Variants in GRID2 observed in about 807,000 individuals in gnomAD.
The protein encoded by GRID2 is glutamate receptor ionotropic, delta-2.
A neutral mutation model predicts 114.8 loss-of-function variants in GRID2; 33 were observed. The ratio of observed to expected loss-of-function variants is 0.29; its 90% CI spans 0.22 to 0.38. The LOEUF (loss-of-function observed/expected upper bound fraction) is 0.38, where lower values mean the gene tolerates loss of function less well. Among genes scored for constraint, GRID2 ranks in the 10% least tolerant of loss-of-function variants. GRID2 has a pLI of 1.00. For synonymous variants in GRID2, 505 were observed against 449.9 expected (o/e 1.12, Z -1.55); for missense variants, 1,184 against 1,257.7 (o/e 0.94, Z 0.89).
In GRID2 at chr4:93,651,674, G is replaced by A. The variant is rs552004481; in HGVS notation, c.2360+25239G>A. Among the ~76,000 whole-genome samples the A allele has an allele frequency of 7.9e-5, 12 of 152,276 alleles. No homozygotes were observed. The East Asian group carries it at 2.3e-3, about 29-fold the overall frequency. On this transcript the variant is annotated intron_variant, in intron 14 of 15. Transcript: ENST00000282020. ...AACCTAAAAGGAACATATATACTGA[G>A]ACTGGTAGATTCAGCCATGCATTAT...
chr4:93,546,922 A>T (rs1733278243), intron 13 of GRID2, among the ~76,000 whole-genome samples: 1 of 152,128 alleles, frequency 6.6e-6, no homozygotes, highest in Non-Finnish European at 1.5e-5. Flanking sequence ...GGTATATCAT[A>T]GAAAAAGCTG....
rs114576705 is a variant in GRID2 at position 93,606,984 on chromosome 4, T to A, written c.2194-19285T>A. Reference sequence around the variant, plus strand: ...ATGTATAAATTAGGCCTTAATAAACTTGACTTTCAAAAAATCTTATTAAAA... The same window carrying A: ...ATGTATAAATTAGGCCTTAATAAACATGACTTTCAAAAAATCTTATTAAAA... On this transcript the variant is annotated intron_variant, in intron 13 of 15. Transcript: ENST00000282020. 5.7e-3 allele frequency among the ~76,000 whole-genome samples: 865 copies of A among 152,268 alleles called. 12 individuals are homozygous for A. The highest frequency in any genetic ancestry group is 0.019 in the African/African-American group (795 of 41,564).
At position 93,180,535 on chromosome 4, in the gene GRID2, A is replaced by G. The variant is rs552301935; in HGVS notation, c.736-26869A>G. On this transcript the variant is annotated intron_variant, in intron 4 of 15. Coordinates refer to ENST00000282020, the MANE Select transcript of GRID2 (RefSeq NM_001510.4). ...CATACCAATCACCTCTTCCTTTCAC[A>G]AAAGGTTTTCTGTAGCATGCCATGC... is the stretch of plus-strand genomic sequence containing the variant. Among the ~76,000 whole-genome samples, 30 of 152,256 alleles carry G rather than the reference A, an allele frequency of 2.0e-4. No individual in the cohort carries two copies. The South Asian group carries it at 2.3e-3, about 12-fold the overall frequency.
chr4:93,413,094 TC>T (rs1257546595), intron 9 of GRID2, among the ~76,000 whole-genome samples: 1 of 152,150 alleles, frequency 6.6e-6, no homozygotes, highest in African/African-American at 2.4e-5. Flanking sequence ...TGATTTATAA[TC>T]CTATGGGTAA....
At chr4:93,691,521 T>G (rs1726562661) in intron 14 of GRID2, among the ~76,000 whole-genome samples, 1 of 152,136 alleles carries the variant, frequency 6.6e-6, no homozygotes, top group African/African-American at 2.4e-5. Context: ...TGCTGTTTAT[T>G]AGCTTTGTGA....
At chr4:93,407,751 C>CTCG (rs1766634585) in intron 9 of GRID2, among the ~76,000 whole-genome samples, 1 of 89,780 alleles carries the variant, frequency 1.1e-5, no homozygotes, top group Non-Finnish European at 2.4e-5. Context: ...CCTCCTCCTC[C>CTCG]TCCTCGTCCT....
intron 2 of GRID2, among the ~76,000 whole-genome samples, chr4:93,055,121 A>T (rs1458902875): frequency 6.6e-6 from 1 of 151,870 alleles, no homozygotes; most frequent in Non-Finnish European, 1.5e-5. Flanking sequence ...TTAATCCTTT[A>T]TTTACATGTA....
chr4:92,875,265 C>T (rs1043952512), intron 2 of GRID2, among the ~76,000 whole-genome samples: 1 of 150,418 alleles, frequency 6.6e-6, no homozygotes, highest in Non-Finnish European at 1.5e-5. Context: ...CGGGTACACG[C>T]GATTCTCCTT....
intron 11 of GRID2, among the ~76,000 whole-genome samples, chr4:93,465,836 A>C (rs369408854): frequency 2.0e-5 from 3 of 152,244 alleles, no homozygotes; most frequent in East Asian, 1.9e-4. Flanking sequence ...TAATAAACTC[A>C]CAATAACTTT....
intron 6 of GRID2, among the ~76,000 whole-genome samples, chr4:93,218,012 G>A (rs1744436324): frequency 6.6e-6 from 1 of 151,496 alleles, no homozygotes; most frequent in Admixed American, 6.6e-5. Context: ...AGATAAATAA[G>A]GTGCTTTTGC....
chr4:92,544,312 A>G (rs1488187875), intron 1 of GRID2, among the ~76,000 whole-genome samples: 1 of 152,140 alleles, frequency 6.6e-6, no homozygotes, highest in Non-Finnish European at 1.5e-5. Context: ...ATCATTTTAT[A>G]AAAATCTCTT....
chr4:93,400,359 C>T (rs1470222862), intron 9 of GRID2, among the ~76,000 whole-genome samples: 6 of 152,088 alleles, frequency 3.9e-5, no homozygotes, highest in African/African-American at 1.4e-4. Flanking sequence ...GTCTCTACTA[C>T]TTGGTGTCTC....
intron 1 of GRID2, among the ~76,000 whole-genome samples, chr4:92,446,745 G>C (rs991007339): frequency 1.3e-5 from 2 of 152,158 alleles, no homozygotes; most frequent in African/African-American, 4.8e-5. Flanking sequence ...TAAGTCTACA[G>C]CCTGTTCTAT....
chr4:93,082,237 CTT>C (rs1729933957), intron 2 of GRID2, among the ~76,000 whole-genome samples: 2 of 152,190 alleles, frequency 1.3e-5, no homozygotes, highest in Admixed American at 6.5e-5. Context: ...TTTCAACAAA[CTT>C]GACAATAAAA....
rs548127730 is a variant in GRID2 at position 92,650,507 on chromosome 4, C to T, written c.244+60221C>T. On this transcript the variant is annotated intron_variant, in intron 2 of 15. Transcript: ENST00000282020. ...CGTATCTACATTGAGAAATATTAGT[C>T]CAATTTCCCTTTGGTAATAAGGATT... is the stretch of plus-strand genomic sequence containing the variant. 1.1e-3 allele frequency among the ~76,000 whole-genome samples: 168 copies of T among 152,142 alleles called. 2 individuals are homozygous for T. The highest frequency in any genetic ancestry group is 2.0e-3 in the Non-Finnish European group (134 of 67,968).
chr4:93,380,850 T>C (rs1439809420), intron 8 of GRID2, among the ~76,000 whole-genome samples: 1 of 152,052 alleles, frequency 6.6e-6, no homozygotes, highest in African/African-American at 2.4e-5. Context: ...GCGGATCTGA[T>C]ATTCAGGCAG....
chr4:92,674,467 A>G (rs962352949), intron 2 of GRID2, among the ~76,000 whole-genome samples: 3 of 152,080 alleles, frequency 2.0e-5, no homozygotes, highest in Non-Finnish European at 4.4e-5. Context: ...TTCAACTTAT[A>G]TGGTTTTTAT....
chr4:93,102,794 A>G (rs1233812280), intron 3 of GRID2, among the ~76,000 whole-genome samples: 2 of 150,834 alleles, frequency 1.3e-5, no homozygotes, highest in Admixed American at 6.6e-5. Context: ...TAGAACTATG[A>G]TTCTAAGTTA....
intron 10 of GRID2, among the ~76,000 whole-genome samples, chr4:93,437,813 A>G (rs980183867): frequency 6.6e-6 from 1 of 152,106 alleles, no homozygotes; most frequent in South Asian, 2.1e-4. Flanking sequence ...ACTTTGTCCC[A>G]TAAGGCTTTC....
Sources: gnomAD v4.1 joint callset for allele counts (sites outside exome capture counted in the v4.1 genomes callset) on GRCh38, gnomAD v4.1.1 for gene constraint, MANE v1.5 for transcripts, NCBI Gene and HGNC (gene_info 2026-07-23, HGNC 2026-07-21) for gene names.